Variants in UCK2 observed in about 807,000 individuals in gnomAD.
UCK2 encodes cytidine monophosphokinase 2.
In UCK2, 6 loss-of-function variants were observed where a neutral mutation model predicts 30.8. That is an observed-to-expected ratio of 0.19 (90% CI 0.11 to 0.38). The LOEUF is 0.38. Ranked by LOEUF, UCK2 falls within the 10% of genes least tolerant of loss-of-function variation. UCK2 has a pLI of 1.00. For synonymous variants in UCK2, 125 were observed against 133.6 expected, an observed-to-expected ratio of 0.94 and a Z score of 0.45; for missense variants, 210 against 339.8, an observed-to-expected ratio of 0.62 and a Z score of 3.00.
At chr1:165,863,440 C>G (rs1321625550) in intron 1 of UCK2, among the ~76,000 whole-genome samples, 3 of 152,136 alleles carry the variant, frequency 2.0e-5, no homozygotes, top group Admixed American at 6.5e-5. Context: ...AGCAGATCTT[C>G]AGTATTTCAT....
chr1:165,841,803 C>T (rs563432034), intron 1 of UCK2, among the ~76,000 whole-genome samples: 1 of 152,260 alleles, frequency 6.6e-6, no homozygotes, highest in South Asian at 2.1e-4. Flanking sequence ...TTTCCTGTAG[C>T]AGTCATTCTC....
At position 165,907,771 on chromosome 1, in the gene UCK2, A is replaced by G. The variant is rs1647718420; in HGVS notation, c.734A>G (p.Tyr245Cys). ...CAGACCAATGGCTGTCTCAACGGCT[A>G]CACCCCTTCACGCAAGAGGCAGGCA... ...KRQTNGCLNGYTPSRKRQASE... is the reference protein window; with the variant it reads ...KRQTNGCLNGCTPSRKRQASE... Residue 245 changes from tyrosine (Y) to cysteine (C), a missense_variant, in exon 7 of 7, where the codon TAC becomes TGC. By Grantham distance (194) the Tyr-to-Cys change is radical. Coordinates refer to ENST00000367879, the MANE Select transcript of UCK2 (RefSeq NM_012474.5). The G allele has an allele frequency of 6.2e-7, 1 of 1,614,162 alleles. No individual in the cohort carries two copies. Among genetic ancestry groups the G allele is most frequent in the Non-Finnish European group, 8.5e-7 (1 of 1,180,030 alleles).
At chr1:165,854,772 A>G (rs1281036934) in intron 1 of UCK2, among the ~76,000 whole-genome samples, 3 of 152,022 alleles carry the variant, frequency 2.0e-5, no homozygotes, top group South Asian at 2.1e-4. Context: ...CTTAACTCCT[A>G]TCTTACTTCA....
rs1654498875 is a variant in UCK2 at position 165,848,218 on chromosome 1, T to C, written c.99+20286T>C. Reference sequence around the variant, plus strand: ...AAGGTTGTTGTGTGGTTGCAGTTTATTTAGGTTTATTTTATGACTTGCTCA... The same window carrying C: ...AAGGTTGTTGTGTGGTTGCAGTTTACTTAGGTTTATTTTATGACTTGCTCA... On this transcript the variant is annotated intron_variant, in intron 1 of 6. Transcript: ENST00000367879. 2.0e-5 allele frequency among the ~76,000 whole-genome samples: 3 copies of C among 152,228 alleles called. No homozygotes were observed. The South Asian group carries it at 6.2e-4, about 31-fold the overall frequency.
chr1:165,831,106 C>A (rs982977223), intron 1 of UCK2, among the ~76,000 whole-genome samples: 3 of 150,152 alleles, frequency 2.0e-5, no homozygotes, highest in Admixed American at 6.6e-5. Context: ...AGACCTGTCT[C>A]GAACAAAAAC....
At chr1:165,859,757 A>T (rs1654848150) in intron 1 of UCK2, among the ~76,000 whole-genome samples, 1 of 152,120 alleles carries the variant, frequency 6.6e-6, no homozygotes. Context: ...GTAGGAGAGA[A>T]TCACTTGAGC....
At chr1:165,862,883 C>A (rs1654954568) in intron 1 of UCK2, among the ~76,000 whole-genome samples, 1 of 152,130 alleles carries the variant, frequency 6.6e-6, no homozygotes, top group Non-Finnish European at 1.5e-5. Flanking sequence ...AGAAGCTTGT[C>A]AGATCTGTGT....
At chr1:165,836,809 A>G (rs1018469288) in intron 1 of UCK2, among the ~76,000 whole-genome samples, 31 of 152,218 alleles carry the variant, frequency 2.0e-4, no homozygotes, top group Admixed American at 2.0e-3. Context: ...TTGGTGTCTT[A>G]GTCTGTTTTG....
intron 1 of UCK2, among the ~76,000 whole-genome samples, chr1:165,839,141 T>C (rs1557832288): frequency 6.6e-6 from 1 of 152,220 alleles, no homozygotes; most frequent in Admixed American, 6.5e-5. Flanking sequence ...CTGTCACCTA[T>C]TTTGTTTAAC....
intron 1 of UCK2, among the ~76,000 whole-genome samples, chr1:165,887,771 T>C (rs551194439): frequency 1.6e-4 from 24 of 150,832 alleles, no homozygotes; most frequent in East Asian, 3.9e-4. Context: ...GCCTTTGATT[T>C]CCCCCCCCAC....
At chr1:165,851,329 G>A (rs1654590762) in intron 1 of UCK2, among the ~76,000 whole-genome samples, 1 of 152,158 alleles carries the variant, frequency 6.6e-6, no homozygotes, top group Non-Finnish European at 1.5e-5. Flanking sequence ...TCTTGCCTTT[G>A]TCTACTTTCT....
chr1:165,833,484 A>G (rs763064367), intron 1 of UCK2, among the ~76,000 whole-genome samples: 7 of 152,078 alleles, frequency 4.6e-5, no homozygotes, highest in African/African-American at 7.2e-5. Flanking sequence ...TGCCTCCAGT[A>G]GTTCCTATCC....
intron 1 of UCK2, among the ~76,000 whole-genome samples, chr1:165,878,519 C>T (rs552536588): frequency 7.9e-5 from 12 of 152,108 alleles, no homozygotes; most frequent in South Asian, 2.1e-4. Flanking sequence ...TTAGTGGAGA[C>T]GGGGTTTGGT....
At chr1:165,888,492 A>G (rs1655679171) in intron 1 of UCK2, among the ~76,000 whole-genome samples, 1 of 151,956 alleles carries the variant, frequency 6.6e-6, no homozygotes, top group Non-Finnish European at 1.5e-5. Context: ...GGGTTTCACC[A>G]TGTTGGCCAG....
chr1:165,867,163 C>A (rs1307859047), intron 1 of UCK2, among the ~76,000 whole-genome samples: 1 of 152,170 alleles, frequency 6.6e-6, no homozygotes, highest in Non-Finnish European at 1.5e-5. Flanking sequence ...TGCTTTATTA[C>A]TAAAAATCGT....
intron 1 of UCK2, among the ~76,000 whole-genome samples, chr1:165,829,183 C>G (rs749483766): frequency 6.6e-5 from 10 of 152,142 alleles, no homozygotes; most frequent in Non-Finnish European, 1.2e-4. Flanking sequence ...TGATCTCGTC[C>G]GTAGCTCCCG....
intron 1 of UCK2, among the ~76,000 whole-genome samples, chr1:165,847,513 A>G (rs920009282): frequency 3.3e-5 from 5 of 152,330 alleles, no homozygotes; most frequent in Admixed American, 3.3e-4. Flanking sequence ...CCATATTTCA[A>G]AAAATTACAT....
intron 1 of UCK2, among the ~76,000 whole-genome samples, chr1:165,861,540 A>C (rs1654899571): frequency 7.4e-6 from 1 of 134,576 alleles, no homozygotes; most frequent in Non-Finnish European, 1.6e-5. Flanking sequence ...AGGCAGGAGA[A>C]TGGCGTGAAC....
intron 1 of UCK2, among the ~76,000 whole-genome samples, chr1:165,835,833 A>G (rs1341645046): frequency 1.3e-5 from 2 of 152,224 alleles, no homozygotes; most frequent in African/African-American, 4.8e-5. Context: ...CACACGTGAC[A>G]GAAGTATACA....
Sources: allele counts gnomAD v4.1 joint callset (sites outside exome capture counted in the v4.1 genomes callset), GRCh38; gene constraint gnomAD v4.1.1; transcripts MANE v1.5; gene names NCBI Gene and HGNC (gene_info 2026-07-23, HGNC 2026-07-21).